PPARGC1A: variants seen among roughly 807,000 people sequenced by gnomAD.
The protein encoded by PPARGC1A is peroxisome proliferator-activated receptor gamma coactivator 1-alpha.
Under a neutral mutation model 88.7 loss-of-function variants are expected in PPARGC1A, and 25 were observed. The observed-to-expected ratio is 0.28, with a 90% CI of 0.21 to 0.39. The LOEUF is 0.39. Ranked by LOEUF, PPARGC1A falls within the 10% of genes least tolerant of loss-of-function variation. PPARGC1A has a pLI of 1.00. For missense variants in PPARGC1A, 880 were observed against 968.7 expected (o/e 0.91, Z 1.22); for synonymous variants, 363 against 355.6 (o/e 1.02, Z -0.24).
At chr4:24,436,033 C>T in the PPARGC1A span, among the ~76,000 whole-genome samples, 1 of 152,204 alleles carries the variant, frequency 6.6e-6, no homozygotes, top group Non-Finnish European at 1.5e-5. Flanking sequence ...CAACTCTATA[C>T]ACATGAGCCA....
chr4:24,404,958 G>A, the PPARGC1A span, among the ~76,000 whole-genome samples: 1 of 152,058 alleles, frequency 6.6e-6, no homozygotes, highest in African/African-American at 2.4e-5. Context: ...ATCCTTCAAT[G>A]ATCACTTACG....
At chr4:24,387,876 G>GAA in the PPARGC1A span, among the ~76,000 whole-genome samples, 159 of 88,518 alleles carry the variant, frequency 1.8e-3, 2 homozygotes, top group East Asian at 3.2e-3. Context: ...AAGGAAGAAA[G>GAA]AGAAAGAAAG....
the PPARGC1A span, among the ~76,000 whole-genome samples, chr4:23,924,851 C>G: frequency 2.0e-5 from 3 of 152,250 alleles, no homozygotes; most frequent in South Asian, 4.2e-4. Context: ...CTCTCCTGCT[C>G]TGTCCCCCTT....
chr4:24,113,600 G>C, the PPARGC1A span, among the ~76,000 whole-genome samples: 7 of 152,278 alleles, frequency 4.6e-5, no homozygotes, highest in Non-Finnish European at 8.8e-5. Flanking sequence ...TTTAGGGAAA[G>C]AAGGGTTCCA....
At chr4:23,843,828 G>A (rs1490211416) in intron 2 of PPARGC1A, among the ~76,000 whole-genome samples, 1 of 151,968 alleles carries the variant, frequency 6.6e-6, no homozygotes, top group Non-Finnish European at 1.5e-5. Context: ...TACACAGAAT[G>A]ATCACCTTTA....
At chr4:23,816,637 A>G (rs1722045484) in intron 7 of PPARGC1A, among the ~76,000 whole-genome samples, 1 of 152,194 alleles carries the variant, frequency 6.6e-6, no homozygotes, top group African/African-American at 2.4e-5. Flanking sequence ...GTAAATACCA[A>G]TCAAATATGT....
chr4:24,355,857 A>G, the PPARGC1A span, among the ~76,000 whole-genome samples: 1 of 152,146 alleles, frequency 6.6e-6, no homozygotes, highest in Non-Finnish European at 1.5e-5. Flanking sequence ...GCTGAAGCCA[A>G]GCCTCCTAAA....
the PPARGC1A span, among the ~76,000 whole-genome samples, chr4:24,256,416 GT>G: frequency 2.6e-5 from 4 of 152,284 alleles, no homozygotes; most frequent in South Asian, 2.1e-4. Context: ...GTTCAGAGCT[GT>G]TTAAATTCTC....
At chr4:23,926,965 C>A in the PPARGC1A span, among the ~76,000 whole-genome samples, 2 of 152,188 alleles carry the variant, frequency 1.3e-5, no homozygotes, top group Admixed American at 1.3e-4. Context: ...ATCTATCTAA[C>A]AAAAACACAT....
chr4:24,428,115 C>A, the PPARGC1A span, among the ~76,000 whole-genome samples: 1 of 139,786 alleles, frequency 7.2e-6, no homozygotes, highest in South Asian at 2.2e-4. Flanking sequence ...GTGAGAGAGA[C>A]CCTGTCTCCA....
In PPARGC1A at chr4:23,871,797, T is replaced by C. The variant is rs192685310; in HGVS notation, c.234+12955A>G. Among the ~76,000 whole-genome samples the C allele has an allele frequency of 1.3e-5, 2 of 152,274 alleles. 1 individual carries two copies. The highest frequency in any genetic ancestry group is 1.3e-4 in the Admixed American group (2 of 15,294). On this transcript the variant is annotated intron_variant, in intron 2 of 12. Coordinates refer to ENST00000264867, the MANE Select transcript of PPARGC1A (RefSeq NM_013261.5). ...AGGGCAGTGCTATAATAGAGGCACT[T>C]TTCCCCTATACAAGAGCCGTTTCAA...
At chr4:24,306,116 G>A in the PPARGC1A span, among the ~76,000 whole-genome samples, 1 of 152,118 alleles carries the variant, frequency 6.6e-6, no homozygotes, top group Non-Finnish European at 1.5e-5. Flanking sequence ...GCAGATTCCG[G>A]ATGCACAATC....
chr4:24,288,398 C>T, the PPARGC1A span, among the ~76,000 whole-genome samples: 2 of 152,144 alleles, frequency 1.3e-5, no homozygotes, highest in African/African-American at 4.8e-5. Flanking sequence ...TTACAGAGCT[C>T]CCTCAGGAGA....
At chr4:24,074,386 C>T in the PPARGC1A span, among the ~76,000 whole-genome samples, 6 of 152,124 alleles carry the variant, frequency 3.9e-5, no homozygotes, top group African/African-American at 7.2e-5. Context: ...ACCACACACA[C>T]GTCAGCATTT....
At chr4:24,192,818 CTG>C in the PPARGC1A span, among the ~76,000 whole-genome samples, 3 of 152,158 alleles carry the variant, frequency 2.0e-5, no homozygotes, top group African/African-American at 4.8e-5. Flanking sequence ...TATAGCTACA[CTG>C]TATTTATGCC....
chr4:24,397,554 A>T, the PPARGC1A span, among the ~76,000 whole-genome samples: 1 of 152,208 alleles, frequency 6.6e-6, no homozygotes, highest in African/African-American at 2.4e-5. Context: ...TCCAAGTGAT[A>T]TCCTTAAAAA....
chr4:24,284,359 T>C, the PPARGC1A span, among the ~76,000 whole-genome samples: 16 of 152,278 alleles, frequency 1.1e-4, no homozygotes, highest in African/African-American at 3.8e-4. Flanking sequence ...CTCAAAGTCA[T>C]GACTATTGAG....
chr4:24,409,688 G>A, the PPARGC1A span, among the ~76,000 whole-genome samples: 3 of 152,272 alleles, frequency 2.0e-5, no homozygotes, highest in Non-Finnish European at 4.4e-5. Flanking sequence ...GGATGTGCTG[G>A]GGTGGCCTGA....
the PPARGC1A span, among the ~76,000 whole-genome samples, chr4:24,041,215 T>C: frequency 2.0e-5 from 3 of 152,146 alleles, no homozygotes; most frequent in African/African-American, 4.8e-5. Context: ...TCTGATTAGG[T>C]TGAGATATTG....
Sources: allele counts gnomAD v4.1 joint callset (sites outside exome capture counted in the v4.1 genomes callset), GRCh38; gene constraint gnomAD v4.1.1; transcripts MANE v1.5; gene names NCBI Gene and HGNC (gene_info 2026-07-23, HGNC 2026-07-21).